The following BCAR3 variants were observed in gnomAD, a reference collection of about 807,000 sequenced individuals.
BCAR3 encodes BCAR3 adaptor protein, NSP family member.
A neutral mutation model predicts 80.1 loss-of-function variants in BCAR3; 37 were observed. The ratio of observed to expected loss-of-function variants is 0.46; its 90% CI spans 0.36 to 0.61. BCAR3 has a LOEUF of 0.61. Ranked by LOEUF, BCAR3 falls within the 20% of genes least tolerant of loss-of-function variation. The pLI is 0.00. For synonymous variants in BCAR3, 389 were observed against 418.9 expected, an observed-to-expected ratio of 0.93 and a Z score of 0.87; for missense variants, 978 against 1,068.2, an observed-to-expected ratio of 0.92 and a Z score of 1.18.
intron 3 of BCAR3, among the ~76,000 whole-genome samples, chr1:93,602,759 A>C (rs1453292375): frequency 2.6e-5 from 4 of 152,174 alleles, no homozygotes; most frequent in Non-Finnish European, 5.9e-5. Context: ...AATAAACCCC[A>C]ATTACTTTCA....
At chr1:93,652,807 A>T (rs1159420604) in intron 2 of BCAR3, among the ~76,000 whole-genome samples, 2 of 152,232 alleles carry the variant, frequency 1.3e-5, no homozygotes, top group African/African-American at 4.8e-5. Flanking sequence ...AGCAGGGTGA[A>T]ACTGGACTCC....
At chr1:93,581,568 G>A (rs1673712132) in intron 7 of BCAR3, among the ~76,000 whole-genome samples, 1 of 152,104 alleles carries the variant, frequency 6.6e-6, no homozygotes, top group Non-Finnish European at 1.5e-5. Flanking sequence ...GTACCATCAA[G>A]CCCAGCTAAT....
chr1:93,716,817 G>A (rs1650206154), intron 2 of BCAR3, among the ~76,000 whole-genome samples: 1 of 152,200 alleles, frequency 6.6e-6, no homozygotes, highest in Admixed American at 6.5e-5. Flanking sequence ...CTGACTGGAG[G>A]GCATCCACTC....
chr1:93,666,373 AATATATTCTCTTTTT>A (rs1003895506), intron 2 of BCAR3, among the ~76,000 whole-genome samples: 1 of 152,206 alleles, frequency 6.6e-6, no homozygotes, highest in Non-Finnish European at 1.5e-5. Flanking sequence ...TTATTACTGA[AATATATTCTCTTTTT>A]ATATCAAATC....
intron 5 of BCAR3, among the ~76,000 whole-genome samples, chr1:93,585,550 G>A (rs1344698283): frequency 3.9e-5 from 6 of 152,128 alleles, no homozygotes; most frequent in African/African-American, 1.2e-4. Flanking sequence ...TTATCCTGCC[G>A]AATACACTCC....
intron 2 of BCAR3, among the ~76,000 whole-genome samples, chr1:93,801,069 T>G (rs768828372): frequency 1.6e-4 from 24 of 152,264 alleles, no homozygotes; most frequent in Non-Finnish European, 2.9e-4. Context: ...GAAAGCCCTC[T>G]TGATTCCCTC....
At chr1:93,699,755 G>A (rs1649569893) in intron 3 of BCAR3, among the ~76,000 whole-genome samples, 2 of 152,138 alleles carry the variant, frequency 1.3e-5, no homozygotes, top group Non-Finnish European at 2.9e-5. Context: ...AGTTTACTGA[G>A]TGCTTATTAT....
intron 2 of BCAR3, among the ~76,000 whole-genome samples, chr1:93,774,068 C>T (rs1157870513): frequency 6.6e-6 from 1 of 152,198 alleles, no homozygotes; most frequent in Non-Finnish European, 1.5e-5. Flanking sequence ...GAATAACTAT[C>T]AATTGGCCAC....
chr1:93,579,087 G>T (rs1268810158), intron 7 of BCAR3, among the ~76,000 whole-genome samples: 2 of 152,310 alleles, frequency 1.3e-5, no homozygotes, highest in African/African-American at 4.8e-5. Context: ...TAGGCCCTTG[G>T]GGGGTGGGGG....
At chr1:93,729,933 G>A (rs1650724059) in intron 2 of BCAR3, among the ~76,000 whole-genome samples, 1 of 152,122 alleles carries the variant, frequency 6.6e-6, no homozygotes, top group Non-Finnish European at 1.5e-5. Flanking sequence ...TGAATCTTAT[G>A]CATGTTTATA....
chr1:93,653,775 G>A (rs1028085682), intron 2 of BCAR3, among the ~76,000 whole-genome samples: 1 of 152,202 alleles, frequency 6.6e-6, no homozygotes, highest in Non-Finnish European at 1.5e-5. Flanking sequence ...ACTTGTTTCA[G>A]TGAAGAAGCC....
chr1:93,675,825 A>T (rs1008991141), intron 1 of BCAR3, among the ~76,000 whole-genome samples: 5 of 151,112 alleles, frequency 3.3e-5, no homozygotes, highest in Admixed American at 3.3e-4. Context: ...CCCTGAGCAG[A>T]GTCAGTGCCT....
intron 3 of BCAR3, among the ~76,000 whole-genome samples, chr1:93,693,564 C>A (rs1649275152): frequency 6.6e-6 from 1 of 152,216 alleles, no homozygotes; most frequent in Non-Finnish European, 1.5e-5. Flanking sequence ...GATTAAATTT[C>A]TGGTTTCTGT....
intron 11 of BCAR3, among the ~76,000 whole-genome samples, chr1:93,565,071 T>C (rs1350743228): frequency 6.6e-6 from 1 of 151,766 alleles, no homozygotes; most frequent in African/African-American, 2.4e-5. Context: ...ATATCCTTGG[T>C]GGATAACCAA....
At chr1:93,566,997 G>C (rs958365198) in intron 11 of BCAR3, among the ~76,000 whole-genome samples, 1 of 152,228 alleles carries the variant, frequency 6.6e-6, no homozygotes. Flanking sequence ...CAGAGTGCTG[G>C]GATTACAGGC....
chr1:93,757,945 C>T (rs4075343), intron 2 of BCAR3, among the ~76,000 whole-genome samples: 45,039 of 152,174 alleles, frequency 0.3, 9,214 homozygotes, highest in African/African-American at 0.58. Flanking sequence ...AGTGCAAAAT[C>T]GTACTAGAGG....
intron 2 of BCAR3, among the ~76,000 whole-genome samples, chr1:93,799,434 A>G (rs1263302832): frequency 6.6e-6 from 1 of 152,230 alleles, no homozygotes; most frequent in Non-Finnish European, 1.5e-5. Flanking sequence ...TTGGGTAACT[A>G]ACTGTGTCAG....
At position 93,610,219 on chromosome 1, in the gene BCAR3, C is replaced by A. The variant is rs561455605; in HGVS notation, c.358-17826G>T. Among the ~76,000 whole-genome samples, 10 of 152,326 alleles carry A rather than the reference C, an allele frequency of 6.6e-5. No individual in the cohort carries two copies. The South Asian group carries it at 1.0e-3, about 16-fold the overall frequency. On this transcript the variant is annotated intron_variant, in intron 3 of 11. Transcript: ENST00000260502. ...ACTTATTAACCCCTGGTACAGGAGG[C>A]CTGGCTGCTGGGATTATTCCTAGAT... is the stretch of plus-strand genomic sequence containing the variant.
chr1:93,813,244 T>C (rs544022120), intron 2 of BCAR3, among the ~76,000 whole-genome samples: 1 of 152,282 alleles, frequency 6.6e-6, no homozygotes, highest in African/African-American at 2.4e-5. Context: ...GGCCGTCTCA[T>C]AGGTCAGGTA....
Sources: gnomAD v4.1 joint callset for allele counts (sites outside exome capture counted in the v4.1 genomes callset) on GRCh38, gnomAD v4.1.1 for gene constraint, MANE v1.5 for transcripts, NCBI Gene and HGNC (gene_info 2026-07-23, HGNC 2026-07-21) for gene names.